The following SAMMSON variants were observed in gnomAD, a reference collection of about 807,000 sequenced individuals.
SAMMSON encodes long intergenic non-protein coding RNA 1212.
intron 9 of SAMMSON, among the ~76,000 whole-genome samples, chr3:70,382,953 G>A (rs17007168): frequency 0.022 from 3,326 of 152,110 alleles, 96 homozygotes; most frequent in African/African-American, 0.062. Context: ...GAAGATAAAG[G>A]TTGTTTTGCA....
At chr3:70,104,287 G>A (rs1262305962) in intron 4 of SAMMSON, among the ~76,000 whole-genome samples, 4 of 151,288 alleles carry the variant, frequency 2.6e-5, no homozygotes, top group African/African-American at 7.3e-5. Flanking sequence ...CCTACGCTGC[G>A]ATACTGTGCG....
At chr3:70,320,891 A>T (rs1702534421) in intron 7 of SAMMSON, among the ~76,000 whole-genome samples, 1 of 152,064 alleles carries the variant, frequency 6.6e-6, no homozygotes, top group Admixed American at 6.6e-5. Context: ...AGGCAACTTC[A>T]TTGTGTCAGT....
chr3:70,171,635 C>T (rs1576143113), intron 4 of SAMMSON, among the ~76,000 whole-genome samples: 1 of 151,808 alleles, frequency 6.6e-6, no homozygotes, highest in Admixed American at 6.6e-5. Context: ...AGCTTGACTC[C>T]CAGTTTTTAC....
chr3:70,035,824 A>G (rs1398766519), intron 3 of SAMMSON, among the ~76,000 whole-genome samples: 1 of 152,196 alleles, frequency 6.6e-6, no homozygotes, highest in African/African-American at 2.4e-5. Flanking sequence ...TGATTTGTTT[A>G]TATCTATCAA....
chr3:70,148,944 C>T (rs2067560171), intron 4 of SAMMSON, among the ~76,000 whole-genome samples: 2 of 151,970 alleles, frequency 1.3e-5, no homozygotes, highest in South Asian at 4.1e-4. Context: ...ATACCAGGAG[C>T]CAGAGGGATG....
intron 4 of SAMMSON, among the ~76,000 whole-genome samples, chr3:70,116,654 C>T (rs553457590): frequency 7.2e-5 from 11 of 152,106 alleles, no homozygotes; most frequent in African/African-American, 2.6e-4. Flanking sequence ...GTCTGAATGG[C>T]CACTCTATAA....
At chr3:70,408,822 A>G (rs1430938451) in intron 2 of SAMMSON, among the ~76,000 whole-genome samples, 2 of 152,088 alleles carry the variant, frequency 1.3e-5, no homozygotes, top group African/African-American at 4.8e-5. Flanking sequence ...GTACCAATTT[A>G]CTATATTTAT....
At chr3:70,214,341 G>C (rs949841639) in intron 4 of SAMMSON, among the ~76,000 whole-genome samples, 1 of 152,052 alleles carries the variant, frequency 6.6e-6, no homozygotes, top group Non-Finnish European at 1.5e-5. Context: ...CTAAAACCCT[G>C]CCTCAAGAAA....
intron 3 of SAMMSON, among the ~76,000 whole-genome samples, chr3:70,047,432 G>T (rs1053036444): frequency 6.6e-6 from 1 of 151,368 alleles, no homozygotes; most frequent in African/African-American, 2.4e-5. Flanking sequence ...TGCCTCCTGG[G>T]TTCAAGCGAT....
At chr3:70,399,377 C>T (rs1443349884) in intron 2 of SAMMSON, among the ~76,000 whole-genome samples, 2 of 152,108 alleles carry the variant, frequency 1.3e-5, no homozygotes, top group East Asian at 3.9e-4. Flanking sequence ...ATTGGGTTAT[C>T]ATGTCAATAA....
chr3:70,047,799 GA>G (rs553278220), intron 3 of SAMMSON, among the ~76,000 whole-genome samples: 89 of 152,244 alleles, frequency 5.8e-4, no homozygotes, highest in African/African-American at 1.6e-3. Context: ...TTGCATGGCA[GA>G]AAGCGGAAGG....
chr3:70,118,045 G>T lies in SAMMSON; in HGVS notation n.507+46480G>T, dbSNP rs562880268. On this transcript the variant is annotated intron_variant and non_coding_transcript_variant, in intron 4 of 9. Transcript: ENST00000642114. ...CCACTCTCCTGCCTCAGCCTCGCAA[G>T]TAGCTGGGATTACAGGCACCCCACC... Among the ~76,000 whole-genome samples, 56 of 152,162 alleles carry T rather than the reference G, an allele frequency of 3.7e-4. No homozygotes were observed. In the Middle Eastern group the frequency reaches 0.01, roughly 28 times the overall value.
intron 9 of SAMMSON, among the ~76,000 whole-genome samples, chr3:70,371,422 A>ACAT (rs1469990553): frequency 6.6e-6 from 1 of 152,110 alleles, no homozygotes; most frequent in African/African-American, 2.4e-5. Flanking sequence ...CATTATTGAT[A>ACAT]GTAAGTCTTC....
intron 4 of SAMMSON, among the ~76,000 whole-genome samples, chr3:70,235,843 G>C (rs1701601172): frequency 6.6e-6 from 1 of 152,144 alleles, no homozygotes; most frequent in Non-Finnish European, 1.5e-5. Flanking sequence ...AGGTTGATGT[G>C]CTACTTAAAT....
chr3:70,365,347 A>G (rs1575634365), intron 9 of SAMMSON, among the ~76,000 whole-genome samples: 1 of 151,538 alleles, frequency 6.6e-6, no homozygotes, highest in Non-Finnish European at 1.5e-5. Context: ...ATATGTGTGT[A>G]TATATGTATC....
chr3:70,015,854 G>C (rs1240477011), intron 3 of SAMMSON, among the ~76,000 whole-genome samples: 1 of 152,038 alleles, frequency 6.6e-6, no homozygotes. Flanking sequence ...GAGAATGATG[G>C]TTTCCAGCTT....
intron 3 of SAMMSON, among the ~76,000 whole-genome samples, chr3:70,021,869 A>G (rs1005686475): frequency 1.3e-5 from 2 of 152,186 alleles, no homozygotes; most frequent in African/African-American, 4.8e-5. Context: ...ATGCATAGAT[A>G]AAACCTGAGG....
chr3:70,426,876 A>C (rs1701374343), intron 2 of SAMMSON, among the ~76,000 whole-genome samples: 2 of 152,236 alleles, frequency 1.3e-5, no homozygotes, highest in East Asian at 3.8e-4. Flanking sequence ...AAGCGTGCTC[A>C]GTCTGAGTTG....
At chr3:70,363,056 G>A (rs1302888032) in intron 9 of SAMMSON, among the ~76,000 whole-genome samples, 2 of 151,726 alleles carry the variant, frequency 1.3e-5, no homozygotes, top group African/African-American at 4.8e-5. Flanking sequence ...TAAAGACAAA[G>A]GGGAATGAAA....
Sources: allele counts gnomAD v4.1 joint callset (sites outside exome capture counted in the v4.1 genomes callset), GRCh38; gene constraint gnomAD v4.1.1; transcripts MANE v1.5; gene names NCBI Gene and HGNC (gene_info 2026-07-23, HGNC 2026-07-21).